The following WWOX variants were observed in gnomAD, a reference collection of about 807,000 sequenced individuals.
The protein encoded by WWOX is WW domain-containing oxidoreductase.
A neutral mutation model predicts 46.2 loss-of-function variants in WWOX; 69 were observed. The observed-to-expected ratio is 1.49, with a 90% CI of 1.23 to 1.82. The LOEUF (loss-of-function observed/expected upper bound fraction) is 1.82, where lower values mean the gene tolerates loss of function less well. Among genes scored for constraint, WWOX ranks in the 40% most tolerant of loss-of-function variants. The pLI, the probability that WWOX is intolerant of heterozygous loss-of-function variation, is 0.00. For missense variants in WWOX, 919 were observed against 542.6 expected, an observed-to-expected ratio of 1.69 and a Z score of -6.89; for synonymous variants, 359 against 202.6, an observed-to-expected ratio of 1.77 and a Z score of -6.56.
At chr16:78,365,590 T>G (rs1258508163) in intron 5 of WWOX, among the ~76,000 whole-genome samples, 1 of 152,222 alleles carries the variant, frequency 6.6e-6, no homozygotes, top group Non-Finnish European at 1.5e-5. Context: ...ATCATAGTGT[T>G]GCTTGTAATT....
At position 79,211,816 on chromosome 16, in the gene WWOX, G is replaced by A. The variant is rs555531891; in HGVS notation, c.*20G>A. The A allele has an allele frequency of 9.3e-6, 15 of 1,613,752 alleles. No individual in the cohort carries two copies. The East Asian group carries it at 1.3e-4, about 14-fold the overall frequency. The stretch of plus-strand genomic sequence containing the variant: ...GGCTAAGTGGAGCTCAGAGCGGATG[G>A]GCACACACACCCGCCCTGTGTGTGT... On this transcript the variant is annotated 3_prime_UTR_variant, in exon 9 of 9. Coordinates refer to ENST00000566780, the MANE Select transcript of WWOX (RefSeq NM_016373.4).
chr16:78,747,225 C>T (rs567730596), intron 8 of WWOX, among the ~76,000 whole-genome samples: 1 of 142,794 alleles, frequency 7.0e-6, no homozygotes, highest in Non-Finnish European at 1.5e-5. Flanking sequence ...GAGTCTCGCT[C>T]TTGTCATGCA....
intron 5 of WWOX, among the ~76,000 whole-genome samples, chr16:78,384,540 T>C (rs986530035): frequency 6.6e-6 from 1 of 152,164 alleles, no homozygotes. Flanking sequence ...CCACATGCCT[T>C]CAATATTCTT....
intron 5 of WWOX, among the ~76,000 whole-genome samples, chr16:78,236,389 T>C (rs1051867669): frequency 2.0e-5 from 3 of 152,156 alleles, no homozygotes; most frequent in Non-Finnish European, 4.4e-5. Context: ...TTGTGATGAT[T>C]TTGGCTTTTC....
chr16:78,254,502 G>GTTTTTTTTTTTTTTTTTTTTTTTTTTTTT (rs59706959), intron 5 of WWOX, among the ~76,000 whole-genome samples: 1 of 91,648 alleles, frequency 1.1e-5, no homozygotes, highest in Non-Finnish European at 1.9e-5. Context: ...TTTCTTTCTT[G>GTTTTTTTTTTTTTTTTTTTTTTTTTTTTT]TTTTTTTTTT....
intron 8 of WWOX, among the ~76,000 whole-genome samples, chr16:78,781,029 C>T (rs2050311470): frequency 6.6e-6 from 1 of 152,182 alleles, no homozygotes; most frequent in Non-Finnish European, 1.5e-5. Context: ...CACCTCTCCA[C>T]ATTTGGAAGA....
chr16:78,855,101 A>T (rs2052536924), intron 8 of WWOX, among the ~76,000 whole-genome samples: 1 of 152,156 alleles, frequency 6.6e-6, no homozygotes, highest in Admixed American at 6.5e-5. Flanking sequence ...CCCAATTATT[A>T]CCTTTGTTTT....
At chr16:78,374,975 T>C (rs935535904) in intron 5 of WWOX, among the ~76,000 whole-genome samples, 3 of 152,166 alleles carry the variant, frequency 2.0e-5, no homozygotes, top group Non-Finnish European at 4.4e-5. Context: ...CGTGAGCCAC[T>C]GCGCCTGTCT....
intron 8 of WWOX, chr16:78,896,054 C>G (rs1399427811): frequency 6.6e-6 from 1 of 151,880 alleles, no homozygotes; most frequent in African/African-American, 2.4e-5. Context: ...TGAGTAATAA[C>G]CAAAGATATT....
At chr16:78,462,579 C>T (rs1409091046) in intron 8 of WWOX, among the ~76,000 whole-genome samples, 1 of 152,244 alleles carries the variant, frequency 6.6e-6, no homozygotes, top group Admixed American at 6.5e-5. Context: ...GTGCTGAGCG[C>T]TCACTGAAGT....
chr16:78,341,931 C>T (rs1416053227), intron 5 of WWOX, among the ~76,000 whole-genome samples: 1 of 112,476 alleles, frequency 8.9e-6, no homozygotes, highest in East Asian at 2.0e-4. Context: ...GCCTTGGCAA[C>T]ATAGCAAGAC....
At chr16:78,350,224 G>A (rs9921309) in intron 5 of WWOX, among the ~76,000 whole-genome samples, 65,096 of 119,014 alleles carry the variant, frequency 0.55, 26,229 homozygotes, top group African/African-American at 0.69. Context: ...TATGTTTCAA[G>A]TGATTTATTA....
At chr16:78,522,140 C>G (rs2015358632) in intron 8 of WWOX, among the ~76,000 whole-genome samples, 2 of 126,826 alleles carry the variant, frequency 1.6e-5, no homozygotes. Flanking sequence ...TGATGGAAGG[C>G]TTTAAAAAAA....
intron 8 of WWOX, among the ~76,000 whole-genome samples, chr16:78,729,610 A>T (rs1054914276): frequency 6.6e-6 from 1 of 152,114 alleles, no homozygotes; most frequent in East Asian, 1.9e-4. Context: ...GATCTCTTCC[A>T]GGGCCTCTGG....
chr16:78,901,096 T>C (rs2044820930), intron 8 of WWOX, among the ~76,000 whole-genome samples: 2 of 152,170 alleles, frequency 1.3e-5, no homozygotes, highest in African/African-American at 4.8e-5. Context: ...GTTCCGGTTC[T>C]CCCAGTCATT....
chr16:78,591,222 C>G lies in WWOX; in HGVS notation c.1056+158470C>G, dbSNP rs1698403042. On this transcript the variant is annotated intron_variant, in intron 8 of 8. Coordinates refer to ENST00000566780, the MANE Select transcript of WWOX (RefSeq NM_016373.4). ...GATAGCCTATTGCTAGAGAACAAAGCACCTTCTCTTCCTATATGTACCTCT... is the reference window on the plus strand; with the variant it reads ...GATAGCCTATTGCTAGAGAACAAAGGACCTTCTCTTCCTATATGTACCTCT... 2.0e-5 allele frequency among the ~76,000 whole-genome samples: 3 copies of G among 152,190 alleles called. No homozygotes were observed. In the South Asian group the frequency reaches 6.2e-4, roughly 32 times the overall value.
intron 5 of WWOX, among the ~76,000 whole-genome samples, chr16:78,208,949 C>T (rs2036476057): frequency 6.6e-6 from 1 of 151,866 alleles, no homozygotes; most frequent in African/African-American, 2.4e-5. Context: ...ATATTAAGTG[C>T]AGCATCTGGG....
intron 5 of WWOX, among the ~76,000 whole-genome samples, chr16:78,380,569 A>G (rs2081932505): frequency 6.6e-6 from 1 of 152,146 alleles, no homozygotes; most frequent in Admixed American, 6.5e-5. Context: ...TTTATCACCC[A>G]TTCAGCGGTG....
intron 8 of WWOX, among the ~76,000 whole-genome samples, chr16:78,730,523 C>G (rs773547523): frequency 6.6e-6 from 1 of 151,960 alleles, no homozygotes; most frequent in Non-Finnish European, 1.5e-5. Context: ...ACCATCTGAG[C>G]TCACTGCAGC....
Sources: gnomAD v4.1 joint callset for allele counts (sites outside exome capture counted in the v4.1 genomes callset) on GRCh38, gnomAD v4.1.1 for gene constraint, MANE v1.5 for transcripts, NCBI Gene and HGNC (gene_info 2026-07-23, HGNC 2026-07-21) for gene names.